Variants in CNTNAP5 observed in about 807,000 individuals in gnomAD.
The protein encoded by CNTNAP5 is contactin associated protein family member 5.
A neutral mutation model predicts 150.2 loss-of-function variants in CNTNAP5; 72 were observed. That is an observed-to-expected ratio of 0.48 (90% CI 0.40 to 0.58). CNTNAP5 has a LOEUF of 0.58. Among genes scored for constraint, CNTNAP5 ranks in the 20% least tolerant of loss-of-function variants. CNTNAP5 has a pLI of 0.00. For missense variants in CNTNAP5, 1,636 were observed against 1,626.2 expected (o/e 1.01, Z -0.10); for synonymous variants, 672 against 619.8 (o/e 1.08, Z -1.25).
At chr2:124,737,758 G>A (rs977602685) in intron 13 of CNTNAP5, among the ~76,000 whole-genome samples, 6 of 152,130 alleles carry the variant, frequency 3.9e-5, no homozygotes, top group African/African-American at 7.2e-5. Flanking sequence ...AATTACCCAC[G>A]GAAGAGATCG....
intron 1 of CNTNAP5, among the ~76,000 whole-genome samples, chr2:124,126,073 C>T (rs1338352997): frequency 6.6e-6 from 1 of 152,184 alleles, no homozygotes; most frequent in African/African-American, 2.4e-5. Flanking sequence ...CAGAGCAGAA[C>T]TGAAGGAGAT....
chr2:124,876,663 T>C (rs140274258), intron 21 of CNTNAP5, among the ~76,000 whole-genome samples: 352 of 152,160 alleles, frequency 2.3e-3, no homozygotes, highest in African/African-American at 8.0e-3. Context: ...CTCTAAAAGA[T>C]TATTTCATTT....
intron 3 of CNTNAP5, among the ~76,000 whole-genome samples, chr2:124,301,658 A>C (rs1270653481): frequency 2.0e-5 from 3 of 152,084 alleles, no homozygotes; most frequent in Non-Finnish European, 2.9e-5. Flanking sequence ...TTCTATTCAA[A>C]CCATGTTTCA....
intron 12 of CNTNAP5, among the ~76,000 whole-genome samples, chr2:124,624,907 A>G (rs1677687461): frequency 6.6e-6 from 1 of 152,204 alleles, no homozygotes; most frequent in African/African-American, 2.4e-5. Flanking sequence ...GGTATTTTAT[A>G]TTCAAGATGT....
intron 3 of CNTNAP5, among the ~76,000 whole-genome samples, chr2:124,358,778 G>C (rs1427765658): frequency 6.6e-6 from 1 of 151,814 alleles, no homozygotes; most frequent in South Asian, 2.1e-4. Context: ...TTTTGGTTGT[G>C]TCTCTGCCAG....
At chr2:124,214,778 T>C (rs965699699) in intron 1 of CNTNAP5, among the ~76,000 whole-genome samples, 24 of 152,200 alleles carry the variant, frequency 1.6e-4, no homozygotes, top group Non-Finnish European at 2.4e-4. Flanking sequence ...TCAGGGTCTA[T>C]GTATTTGACT....
intron 19 of CNTNAP5, among the ~76,000 whole-genome samples, chr2:124,818,107 G>A (rs1387973578): frequency 6.6e-6 from 1 of 152,140 alleles, no homozygotes; most frequent in Non-Finnish European, 1.5e-5. Context: ...TGGGATATAT[G>A]ACATGGAAGC....
At chr2:124,337,900 A>T (rs184555652) in intron 3 of CNTNAP5, among the ~76,000 whole-genome samples, 2 of 152,094 alleles carry the variant, frequency 1.3e-5, no homozygotes, top group Non-Finnish European at 2.9e-5. Flanking sequence ...GTTTTTTCCA[A>T]TTCTGTGAAG....
intron 5 of CNTNAP5, 42 bp from the exon 6 acceptor site, chr2:124,446,711 C>G: frequency 6.3e-7 from 1 of 1,592,714 alleles, no homozygotes; most frequent in Non-Finnish European, 8.6e-7. Context: ...CAAAGCTGCC[C>G]TTGGACACAG....
At chr2:124,306,916 C>T (rs1453456141) in intron 3 of CNTNAP5, among the ~76,000 whole-genome samples, 7 of 151,476 alleles carry the variant, frequency 4.6e-5, no homozygotes, top group East Asian at 2.0e-4. Context: ...TTAGTAGAGA[C>T]GGGGTTTCAC....
chr2:124,484,829 T>C (rs1380774418), intron 7 of CNTNAP5, among the ~76,000 whole-genome samples: 1 of 152,236 alleles, frequency 6.6e-6, no homozygotes, highest in African/African-American at 2.4e-5. Flanking sequence ...TGAGGCTTCA[T>C]TGATGCCTGT....
chr2:124,255,473 G>A (rs778027466), intron 3 of CNTNAP5, among the ~76,000 whole-genome samples: 2 of 151,392 alleles, frequency 1.3e-5, no homozygotes, highest in African/African-American at 4.9e-5. Flanking sequence ...GCAGTTAGCC[G>A]AGATCACGCC....
chr2:124,558,989 T>G (rs1695824877), intron 10 of CNTNAP5, among the ~76,000 whole-genome samples: 1 of 152,244 alleles, frequency 6.6e-6, no homozygotes, highest in Non-Finnish European at 1.5e-5. Flanking sequence ...TTATTTGGCT[T>G]TCTCCATTGC....
chr2:124,178,581 T>C (rs1470179092), intron 1 of CNTNAP5, among the ~76,000 whole-genome samples: 1 of 152,214 alleles, frequency 6.6e-6, no homozygotes, highest in African/African-American at 2.4e-5. Context: ...AATGCTTTAG[T>C]CTGCTTTTGG....
chr2:124,515,840 A>G (rs1055904474), intron 8 of CNTNAP5, among the ~76,000 whole-genome samples: 1 of 152,218 alleles, frequency 6.6e-6, no homozygotes, highest in Non-Finnish European at 1.5e-5. Context: ...CTGAAAAGAC[A>G]GAGGGAGACT....
At chr2:124,253,855 T>G (rs940773063) in intron 3 of CNTNAP5, among the ~76,000 whole-genome samples, 2 of 151,816 alleles carry the variant, frequency 1.3e-5, no homozygotes, top group African/African-American at 4.8e-5. Context: ...GATAAGAAGA[T>G]GATGGGGAAG....
chr2:124,795,319 T>A (rs1015949587), intron 18 of CNTNAP5, among the ~76,000 whole-genome samples: 3 of 152,084 alleles, frequency 2.0e-5, no homozygotes, highest in Non-Finnish European at 4.4e-5. Context: ...TCCAGTACCA[T>A]CCCATTTCCA....
intron 1 of CNTNAP5, among the ~76,000 whole-genome samples, chr2:124,197,976 CA>C (rs35172247): frequency 0.13 from 18,756 of 144,708 alleles, 1,373 homozygotes; most frequent in African/African-American, 0.2. Flanking sequence ...GACTCTGTCT[CA>C]AAAAAAAAAT....
chr2:124,042,411 A>C (rs1429750737), intron 1 of CNTNAP5, among the ~76,000 whole-genome samples: 2 of 152,178 alleles, frequency 1.3e-5, no homozygotes, highest in African/African-American at 4.8e-5. Context: ...CTGAAATCAT[A>C]TTTATTATAC....
Sources: gnomAD v4.1 joint callset for allele counts (sites outside exome capture counted in the v4.1 genomes callset) on GRCh38, gnomAD v4.1.1 for gene constraint, MANE v1.5 for transcripts, NCBI Gene and HGNC (gene_info 2026-07-23, HGNC 2026-07-21) for gene names.